The following TBC1D31 variants were observed in gnomAD, a reference collection of about 807,000 sequenced individuals.
The protein encoded by TBC1D31 is TBC1 domain family member 31, also known as WD repeat domain 67.
Under a neutral mutation model 132.9 loss-of-function variants are expected in TBC1D31, and 99 were observed. The observed-to-expected ratio is 0.74, with a 90% confidence interval of 0.63 to 0.88. TBC1D31 has a LOEUF of 0.88. Among genes scored for constraint, TBC1D31 ranks in the 40% least tolerant of loss-of-function variants. The pLI, the probability that TBC1D31 is intolerant of heterozygous loss-of-function variation, is 0.00. For synonymous variants in TBC1D31, 385 were observed against 419.4 expected, an observed-to-expected ratio of 0.92 and a Z score of 1.00; for missense variants, 1,134 against 1,256.6, an observed-to-expected ratio of 0.90 and a Z score of 1.48.
chr8:123,128,528 G>GT lies in TBC1D31; in HGVS notation c.2117+20dup. The GT allele has an allele frequency of 6.6e-7, 1 of 1,526,360 alleles. No homozygotes were observed. The highest frequency in any genetic ancestry group is 9.0e-7 in the Non-Finnish European group (1 of 1,105,012). 94.6% of individuals were successfully genotyped at this position (1,526,360 alleles called of 1,614,324 possible). A position where few individuals can be genotyped will look rare whatever the true frequency, so the allele number is the denominator to read the frequency against. On this transcript the variant is annotated intron_variant, in intron 14 of 21. Coordinates refer to ENST00000287380, the MANE Select transcript of TBC1D31 (RefSeq NM_145647.4). Reference sequence around the variant, plus strand: ...TTAAGAGAGAGGTAATTATGGAATAGTTTTTCTTTTTCTGATACAATGAAA... The same window carrying GT: ...TTAAGAGAGAGGTAATTATGGAATAGTTTTTTCTTTTTCTGATACAATGAAA...
chr8:123,084,466 C>A, intron 4 of TBC1D31, 126 bp downstream of exon 4: 2 of 899,862 alleles, frequency 2.2e-6, no homozygotes, highest in South Asian at 1.9e-5. Context: ...CAGCAACAAG[C>A]AAAGCAAAGT....
chr8:123,110,353 C>T (rs1160556146), intron 10 of TBC1D31, among the ~76,000 whole-genome samples: 37 of 152,092 alleles, frequency 2.4e-4, no homozygotes, highest in Admixed American at 2.4e-3. Flanking sequence ...TTAATAATAA[C>T]AGTAGCTCAT....
chr8:123,135,049 G>A (rs749677980), intron 17 of TBC1D31, among the ~76,000 whole-genome samples: 19 of 152,078 alleles, frequency 1.2e-4, no homozygotes, highest in Admixed American at 2.6e-4. Context: ...ACAGACGTGC[G>A]CCACCAAGCC....
At chr8:123,160,555 C>T in the TBC1D31 span, among the ~76,000 whole-genome samples, 1 of 152,034 alleles carries the variant, frequency 6.6e-6, no homozygotes, top group Non-Finnish European at 1.5e-5. Context: ...CTTGGGCCCA[C>T]TCTCCCGGCG....
Position 123,142,359 on chromosome 8 carries a change from G to A in TBC1D31, c.2738G>A (p.Arg913Gln), listed in dbSNP as rs751117700. 20 of 1,609,488 alleles carry A rather than the reference G, an allele frequency of 1.2e-5. No individual in the cohort carries two copies. The African/African-American group carries it at 1.3e-4, about 11-fold the overall frequency. The change falls in exon 19 of 22, where the codon CGA becomes CAA. Residue 913 changes from arginine (R) to glutamine (Q), a missense_variant. By Grantham distance (43) the Arg-to-Gln change is conservative. Transcript: ENST00000287380. Reference sequence around the variant, plus strand: ...AAACAAAAATGTGATGATCTACAACGAAACAAATGTTACCAGGAAGTAGCC... The same window carrying A: ...AAACAAAAATGTGATGATCTACAACAAAACAAATGTTACCAGGAAGTAGCC... ...LHKQKCDDLQ[R>Q]NKCYQEVAKL...
chr8:123,119,051 G>T (rs995225062), intron 10 of TBC1D31, among the ~76,000 whole-genome samples: 1 of 152,260 alleles, frequency 6.6e-6, no homozygotes, highest in Non-Finnish European at 1.5e-5. Flanking sequence ...AACATGAAAA[G>T]ATGCTTAATC....
chr8:123,133,092 G>T (rs954018310), intron 16 of TBC1D31, among the ~76,000 whole-genome samples: 2 of 152,194 alleles, frequency 1.3e-5, no homozygotes, highest in African/African-American at 4.8e-5. Flanking sequence ...TCTTCTCATG[G>T]TTCAGACTCT....
At chr8:123,131,458 A>T (rs754101287) in intron 16 of TBC1D31, among the ~76,000 whole-genome samples, 1 of 150,234 alleles carries the variant, frequency 6.7e-6, no homozygotes, top group South Asian at 2.1e-4. Context: ...TCCTATATTT[A>T]TACAAAAATG....
rs749342592 is a variant in TBC1D31, at chr8:123,097,317, A to G, written c.707A>G (p.Asn236Ser). 1.2e-6 allele frequency: 2 copies of G among 1,614,176 alleles called. No homozygotes were observed. Among genetic ancestry groups the G allele is most frequent in the Non-Finnish European group, 1.7e-6 (2 of 1,180,028 alleles). Residue 236 changes from asparagine (N) to serine (S), a missense_variant, in exon 6 of 22, where the codon AAT (asparagine) becomes AGT (serine). Asn to Ser is a conservative substitution (Grantham distance 46). Coordinates refer to ENST00000287380, the MANE Select transcript of TBC1D31 (RefSeq NM_145647.4). ...ATCCTGGCTGCTGGAGGCAAGTCAAATCATCTTCATTTGTGGTGCTTGGAA... is the reference window on the plus strand; with the variant it reads ...ATCCTGGCTGCTGGAGGCAAGTCAAGTCATCTTCATTTGTGGTGCTTGGAA... The part of the protein sequence containing the change: ...GRILAAGGKS[N>S]HLHLWCLEAR...
At chr8:123,107,888 A>G (rs559707867) in intron 8 of TBC1D31, among the ~76,000 whole-genome samples, 1 of 152,302 alleles carries the variant, frequency 6.6e-6, no homozygotes, top group Non-Finnish European at 1.5e-5. Flanking sequence ...TTATCAGCTC[A>G]TGGCCAAGAC....
At chr8:123,144,928 T>A in intron 20 of TBC1D31, 73 bp downstream of exon 20, 5 of 988,866 alleles carry the variant, frequency 5.1e-6, no homozygotes, top group South Asian at 2.5e-5. Flanking sequence ...TTATTATGAT[T>A]TTTTTTTTTT....
At chr8:123,110,493 C>G (rs899570989) in intron 10 of TBC1D31, among the ~76,000 whole-genome samples, 1 of 151,930 alleles carries the variant, frequency 6.6e-6, no homozygotes, top group African/African-American at 2.4e-5. Flanking sequence ...GTTCCAGAGC[C>G]GAAGACTTTT....
Position 123,145,723 on chromosome 8 carries a change from T to C in TBC1D31, c.2974+868T>C, listed in dbSNP as rs151300160. 1.5e-3 allele frequency among the ~76,000 whole-genome samples: 230 copies of C among 151,920 alleles called. 2 individuals carry two copies. The highest frequency in any genetic ancestry group is 5.2e-3 in the African/African-American group (215 of 41,448). ...AAAAAAAAAAGATTTCCAAAAATTA[T>C]AGAGTACAGTTAACAAGGAGCTTTT... On this transcript the variant is annotated intron_variant, in intron 20 of 21. Coordinates refer to ENST00000287380, the MANE Select transcript of TBC1D31 (RefSeq NM_145647.4).
chr8:123,119,344 A>G (rs1409872219), intron 10 of TBC1D31, among the ~76,000 whole-genome samples: 1 of 152,248 alleles, frequency 6.6e-6, no homozygotes, highest in Non-Finnish European at 1.5e-5. Flanking sequence ...TGTGTGGCAC[A>G]TACAGTGGCA....
chr8:123,132,909 C>G (rs1820763051), intron 16 of TBC1D31, among the ~76,000 whole-genome samples: 1 of 152,126 alleles, frequency 6.6e-6, no homozygotes. Flanking sequence ...AAGCTCAGAA[C>G]TCTGATGTCT....
chr8:123,124,193 G>C (rs977555897), intron 11 of TBC1D31, among the ~76,000 whole-genome samples: 7 of 152,090 alleles, frequency 4.6e-5, no homozygotes, highest in African/African-American at 1.7e-4. Context: ...CATCGTTTTG[G>C]CTTTTAGGTT....
Position 123,126,258 on chromosome 8 carries a change from A to G in TBC1D31, c.1704+69A>G, listed in dbSNP as rs958326995. Reference sequence around the variant, plus strand: ...AGCTAACATTGGTTCTGGTATAAACAGTCTTTTCTTGAAGGAGTATAATAA... The same window carrying G: ...AGCTAACATTGGTTCTGGTATAAACGGTCTTTTCTTGAAGGAGTATAATAA... On this transcript the variant is annotated intron_variant, in intron 12 of 21. Transcript: ENST00000287380. 15 of 1,515,972 alleles carry G rather than the reference A, an allele frequency of 9.9e-6. No individual in the cohort carries two copies. The Admixed American group carries it at 1.5e-4, about 15-fold the overall frequency. The allele number at this position is 1,515,972 out of a possible 1,614,324, so 93.9% of individuals were successfully genotyped here. A position where few individuals can be genotyped will look rare whatever the true frequency, so the allele number is the denominator to read the frequency against.
intron 10 of TBC1D31, among the ~76,000 whole-genome samples, chr8:123,117,084 AC>A (rs1470658052): frequency 2.0e-5 from 3 of 152,056 alleles, no homozygotes; most frequent in African/African-American, 7.2e-5. Flanking sequence ...GGAGGTCAAG[AC>A]GGGTGGATCA....
intron 4 of TBC1D31, among the ~76,000 whole-genome samples, chr8:123,087,243 A>C (rs1815859617): frequency 6.6e-6 from 1 of 152,102 alleles, no homozygotes; most frequent in Admixed American, 6.6e-5. Context: ...TTTGGTTTTC[A>C]GGTTTTTTTT....
Sources: allele counts gnomAD v4.1 joint callset (sites outside exome capture counted in the v4.1 genomes callset), GRCh38; gene constraint gnomAD v4.1.1; transcripts MANE v1.5; gene names NCBI Gene and HGNC (gene_info 2026-07-23, HGNC 2026-07-21).